ALS2: variants seen among roughly 807,000 people sequenced by gnomAD.
The protein encoded by ALS2 is alsin Rho guanine nucleotide exchange factor ALS2, also known as alsin.
ALS2 carries 117 observed loss-of-function variants against 203.4 expected under a neutral mutation model. That is an observed-to-expected ratio of 0.58 (90% CI 0.50 to 0.67). The LOEUF is 0.67. Among genes scored for constraint, ALS2 ranks in the 30% least tolerant of loss-of-function variants. The pLI is 0.00. For synonymous variants in ALS2, 718 were observed against 725.9 expected (o/e 0.99, Z 0.17); for missense variants, 1,715 against 1,989.4 (o/e 0.86, Z 2.62).
At chr2:201,730,989 C>G (rs1559054986) in intron 13 of ALS2, among the ~76,000 whole-genome samples, 1 of 152,080 alleles carries the variant, frequency 6.6e-6, no homozygotes. Flanking sequence ...CCTTGTGAAC[C>G]CCTTGAAATA....
chr2:201,749,345 ATGT>A, intron 8 of ALS2, among the ~76,000 whole-genome samples: 1 of 152,352 alleles, frequency 6.6e-6, no homozygotes, highest in East Asian at 1.9e-4. Context: ...CCATCAAATA[ATGT>A]TATGTAAAAG....
intron 23 of ALS2, among the ~76,000 whole-genome samples, chr2:201,718,686 A>G (rs1690567064): frequency 6.6e-6 from 1 of 152,246 alleles, no homozygotes; most frequent in Admixed American, 6.5e-5. Flanking sequence ...CTAAAAGAGT[A>G]TATGAAAATA....
intron 7 of ALS2, among the ~76,000 whole-genome samples, chr2:201,751,111 C>T (rs1256760277): frequency 6.6e-6 from 1 of 152,078 alleles, no homozygotes; most frequent in African/African-American, 2.4e-5. Context: ...CCTCAACCTC[C>T]CAAAGTGCTG....
Position 201,724,296 on chromosome 2 carries a change from T to G in ALS2, c.3511A>C (p.Arg1171=). 9 of 1,613,070 alleles carry G rather than the reference T, an allele frequency of 5.6e-6. No homozygotes were observed. Among genetic ancestry groups the G allele is most frequent in the Non-Finnish European group, 7.6e-6 (9 of 1,179,148 alleles). The change falls in exon 21 of 34, where the codon AGG becomes CGG. Residue 1171 remains arginine (R), a splice_region_variant and synonymous_variant. Transcript: ENST00000264276. ...GGGAATAGAAGGAGAATACTGTACC[T>G]AGTGATATCATCAAAGACACCATAT... The part of the protein sequence containing the change: ...AGYGVFDDIT[R]GEKYMGMWQD...
At chr2:201,729,727 A>G (rs1691427831) in intron 13 of ALS2, among the ~76,000 whole-genome samples, 1 of 151,960 alleles carries the variant, frequency 6.6e-6, no homozygotes, top group Non-Finnish European at 1.5e-5. Context: ...AAAAAAATAC[A>G]AAAATTAGCC....
chr2:201,719,484 G>A (rs536684951), intron 23 of ALS2, among the ~76,000 whole-genome samples: 17 of 152,318 alleles, frequency 1.1e-4, no homozygotes, highest in African/African-American at 4.1e-4. Flanking sequence ...ATCTACTCAG[G>A]AGGCTGAGGC....
At chr2:201,736,152 CA>C (rs1485065475) in intron 12 of ALS2, among the ~76,000 whole-genome samples, 1 of 151,962 alleles carries the variant, frequency 6.6e-6, no homozygotes, top group Non-Finnish European at 1.5e-5. Flanking sequence ...ACAACAACAA[CA>C]AACAATAAGT....
At position 201,707,911 on chromosome 2, in the gene ALS2, CAA is replaced by C; in HGVS notation, c.4359_4360del (p.Phe1453LeufsTer10). 6.2e-7 allele frequency: 1 copy of C among 1,613,592 alleles called. No homozygotes were observed. On this transcript the variant is annotated frameshift_variant, in exon 28 of 34. Coordinates refer to ENST00000264276, the MANE Select transcript of ALS2 (RefSeq NM_020919.4). LOFTEE classifies it high-confidence loss of function. ...AGATCGGGAATCTGACTTCCCAGTG[CAA>C]AAAGACTTCCTTTCGGTTGGCAGAG...
At chr2:201,711,771 TATTA>T (rs1690039651) in intron 25 of ALS2, among the ~76,000 whole-genome samples, 1 of 152,208 alleles carries the variant, frequency 6.6e-6, no homozygotes, top group African/African-American at 2.4e-5. Flanking sequence ...TAATCATTAT[TATTA>T]GAGATTTTAG....
chr2:201,712,143 A>C (rs1377229776), intron 25 of ALS2, among the ~76,000 whole-genome samples: 1 of 152,248 alleles, frequency 6.6e-6, no homozygotes, highest in Non-Finnish European at 1.5e-5. Flanking sequence ...ATTTCAAGCA[A>C]GCAAAAATTA....
chr2:201,710,089 A>G (rs762461868), intron 26 of ALS2, 51 bp from the exon 27 acceptor site: 12 of 1,598,442 alleles, frequency 7.5e-6, no homozygotes, highest in Admixed American at 1.7e-5. Context: ...TAACAGCAGA[A>G]ACAATCCATC....
chr2:201,728,950 G>C lies in ALS2; in HGVS notation c.2712+102C>G, dbSNP rs2276616. The C allele has an allele frequency of 1.9e-3, 3,030 of 1,570,490 alleles. 8 individuals carry two copies. Among genetic ancestry groups the C allele is most frequent in the East Asian group, 6.4e-3 (287 of 44,622 alleles). On this transcript the variant is annotated intron_variant, in intron 14 of 33. Coordinates refer to ENST00000264276, the MANE Select transcript of ALS2 (RefSeq NM_020919.4). Reference sequence around the variant, plus strand: ...CATTTTAGGAAAGGGGTCATTAAAAGGTTATTACCACAAACAAGTGAGGAA... The same window carrying C: ...CATTTTAGGAAAGGGGTCATTAAAACGTTATTACCACAAACAAGTGAGGAA...
chr2:201,723,911 G>C (rs964197686), intron 21 of ALS2, among the ~76,000 whole-genome samples: 5 of 152,128 alleles, frequency 3.3e-5, no homozygotes, highest in African/African-American at 1.2e-4. Context: ...GAGGCCAGGA[G>C]TTCGAGACCA....
intron 23 of ALS2, 49 bp downstream of exon 23, chr2:201,722,987 AAAAAATT>A (rs1173793979): frequency 7.2e-7 from 1 of 1,386,974 alleles, no homozygotes; most frequent in East Asian, 2.3e-5. Context: ...TTAAAGTAAA[AAAAAATT>A]AGTAAAAGAA....
At chr2:201,763,449 C>T in intron 3 of ALS2, 1 of 263,738 alleles carries the variant, frequency 3.8e-6, no homozygotes, top group South Asian at 8.2e-5. Context: ...AGCTAACTGG[C>T]CCCCAACCTC....
intron 3 of ALS2, chr2:201,765,913 C>CT (rs1047922899): frequency 1.2e-5 from 2 of 166,674 alleles, no homozygotes; most frequent in Non-Finnish European, 2.9e-5. Context: ...AGTCCTGACT[C>CT]TGACACTTCA....
intron 3 of ALS2, among the ~76,000 whole-genome samples, chr2:201,764,613 A>T (rs893996381): frequency 1.3e-5 from 2 of 151,732 alleles, no homozygotes; most frequent in Non-Finnish European, 2.9e-5. Flanking sequence ...CAGCCAGGGC[A>T]ACAGAGCGAG....
In ALS2 at chr2:201,729,121, ATG is replaced by A; in HGVS notation, c.2641_2642del (p.His881SerfsTer36). On this transcript the variant is annotated frameshift_variant, in exon 14 of 34. Transcript: ENST00000264276. LOFTEE classifies it high-confidence loss of function. The stretch of plus-strand genomic sequence containing the variant: ...CTGCTTCCTTCCTTTTCCTGCCGAG[ATG>A]GAGAGCAAGACACTCATAACAAGAA... ...SSSCYECLAL[H>X]LGRKRKEAEY... 4 of 1,614,024 alleles carry A rather than the reference ATG, an allele frequency of 2.5e-6. No individual in the cohort carries two copies. Among genetic ancestry groups the A allele is most frequent in the Non-Finnish European group, 3.4e-6 (4 of 1,179,982 alleles).
chr2:201,737,187 G>A (rs546326573), intron 12 of ALS2, among the ~76,000 whole-genome samples: 42 of 152,054 alleles, frequency 2.8e-4, no homozygotes, highest in African/African-American at 8.9e-4. Context: ...TATTTATATA[G>A]CATTTATATT....
Sources: allele counts gnomAD v4.1 joint callset (sites outside exome capture counted in the v4.1 genomes callset), GRCh38; gene constraint gnomAD v4.1.1; transcripts MANE v1.5; gene names NCBI Gene and HGNC (gene_info 2026-07-23, HGNC 2026-07-21).